ZNF862: variants seen among roughly 807,000 people sequenced by gnomAD.
ZNF862 encodes zinc finger protein 862.
Under a neutral mutation model 91.1 loss-of-function variants are expected in ZNF862, and 64 were observed. That is an observed-to-expected ratio of 0.70 (90% CI 0.57 to 0.87). ZNF862 has a LOEUF of 0.87. Among genes scored for constraint, ZNF862 ranks in the 40% least tolerant of loss-of-function variants. The pLI is 0.00. For synonymous variants in ZNF862, 631 were observed against 618.1 expected, an observed-to-expected ratio of 1.02 and a Z score of -0.31; for missense variants, 1,459 against 1,528.0, an observed-to-expected ratio of 0.95 and a Z score of 0.75.
chr7:149,854,934 A>G (rs1488391212), intron 5 of ZNF862, among the ~76,000 whole-genome samples: 1 of 152,250 alleles, frequency 6.6e-6, no homozygotes, highest in Admixed American at 6.5e-5. Context: ...TGTGCAAGGT[A>G]ACGTGATGAC....
rs752297627 is a variant in ZNF862 at position 149,861,946 on chromosome 7, T to C, written c.2786T>C (p.Ile929Thr). ...AGGGAGAGGACAGTCCTGACGGGGA[T>C]TGAGTACCTCCAGCAGAGGTTTGAC... is the stretch of plus-strand genomic sequence containing the variant. Reference protein sequence around the residue: ...ADRERTVLTGIEYLQQRFDAD... With the variant: ...ADRERTVLTGTEYLQQRFDAD... The change falls in exon 7 of 8, where the codon ATT (isoleucine) becomes ACT (threonine). Residue 929 changes from isoleucine to threonine, a missense_variant. Transcript: ENST00000223210. This position sits in a 1 kb window ranked among gnomAD's most constrained non-coding sequence, Gnocchi z 6.7. 15 of 1,613,488 alleles carry C rather than the reference T, an allele frequency of 9.3e-6. No individual in the cohort carries two copies. Among genetic ancestry groups the C allele is most frequent in the East Asian group, 8.9e-5 (4 of 44,834 alleles).
chr7:149,861,424 A>G lies in ZNF862; in HGVS notation c.2264A>G (p.Lys755Arg), dbSNP rs368481004. Reference sequence around the variant, plus strand: ...GACCGGCACATCCGCACCGTCTTCAAGTTTTATCAGTCCTCAAACAAGAGG... The same window carrying G: ...GACCGGCACATCCGCACCGTCTTCAGGTTTTATCAGTCCTCAAACAAGAGG... ...KCDRHIRTVF[K>R]FYQSSNKRLN... Residue 755 changes from lysine (K) to arginine (R), a missense_variant, in exon 7 of 8, where the codon AAG (lysine) becomes AGG (arginine). Transcript: ENST00000223210. This position sits in a 1 kb window ranked among gnomAD's most constrained non-coding sequence, Gnocchi z 6.7. The G allele has an allele frequency of 1.7e-5, 27 of 1,613,280 alleles. No individual in the cohort carries two copies. The East Asian group carries it at 2.7e-4, about 16-fold the overall frequency.
At chr7:149,860,036 A>G (rs1223271402) in intron 6 of ZNF862, 1 of 329,926 alleles carries the variant, frequency 3.0e-6, no homozygotes, top group Non-Finnish European at 5.5e-6. Flanking sequence ...CTCACACGAG[A>G]GTGAAAGCCA....
chr7:149,843,016 A>G (rs1801758108), intron 1 of ZNF862, among the ~76,000 whole-genome samples: 1 of 152,260 alleles, frequency 6.6e-6, no homozygotes, highest in Non-Finnish European at 1.5e-5. Context: ...ATACATATTC[A>G]TAGACTAAAG....
intron 2 of ZNF862, 119 bp from the exon 3 acceptor site, chr7:149,846,032 C>G (rs1456086285): frequency 2.8e-6 from 2 of 711,986 alleles, no homozygotes; most frequent in Non-Finnish European, 4.8e-6. Flanking sequence ...TCCTTGGCCC[C>G]TTATCTCACC....
rs1802248118 is a variant in ZNF862 at position 149,855,949 on chromosome 7, G to C, written c.1118-3473G>C. The stretch of plus-strand genomic sequence containing the variant: ...CTCCCAGAGATACAGGTCAGGTTAA[G>C]GGAAAGGGCGCACCCACCACTCCCC... On this transcript the variant is annotated intron_variant, in intron 5 of 7. Coordinates refer to ENST00000223210, the MANE Select transcript of ZNF862 (RefSeq NM_001099220.3). The surrounding 1 kb of genome is among the most constrained non-coding windows in gnomAD (Gnocchi z 4.1). The C allele has an allele frequency of 6.6e-6, 1 of 152,316 alleles. No homozygotes were observed. The highest frequency in any genetic ancestry group is 2.4e-5 in the African/African-American group (1 of 41,446). 9.4% of individuals were successfully genotyped at this position (152,316 alleles called of 1,614,324 possible).
chr7:149,853,598 A>G (rs898626579), intron 5 of ZNF862, among the ~76,000 whole-genome samples: 6 of 152,306 alleles, frequency 3.9e-5, no homozygotes, highest in African/African-American at 1.4e-4. Flanking sequence ...AATGGAGGCA[A>G]ACAGATTTGG....
Position 149,850,154 on chromosome 7 carries a change from G to A in ZNF862, c.940-7G>A. ...CGGTGCTGAGTGGCCGCTGCTCTTTGTTCCAGGACCCTTCTGCAGAGGGGC... is the reference window on the plus strand; with the variant it reads ...CGGTGCTGAGTGGCCGCTGCTCTTTATTCCAGGACCCTTCTGCAGAGGGGC... On this transcript the variant is annotated splice_region_variant and splice_polypyrimidine_tract_variant and intron_variant, in intron 4 of 7. Coordinates refer to ENST00000223210, the MANE Select transcript of ZNF862 (RefSeq NM_001099220.3). The surrounding 1 kb of genome is among the most constrained non-coding windows in gnomAD (Gnocchi z 4.2). The A allele has an allele frequency of 6.4e-7, 1 of 1,557,802 alleles. No homozygotes were observed. Among genetic ancestry groups the A allele is most frequent in the Non-Finnish European group, 8.7e-7 (1 of 1,151,472 alleles).
At chr7:149,859,167 TC>T (rs1223817971) in intron 5 of ZNF862, 3 of 541,318 alleles carry the variant, frequency 5.5e-6, no homozygotes, top group African/African-American at 3.9e-5. Flanking sequence ...TCTTCCTGTT[TC>T]CACCCTTCCC....
chr7:149,842,285 C>T (rs563661738), intron 1 of ZNF862, among the ~76,000 whole-genome samples: 39 of 152,240 alleles, frequency 2.6e-4, no homozygotes, highest in Non-Finnish European at 3.1e-4. Flanking sequence ...ACATTCCAAG[C>T]GAGGCAATGC....
intron 1 of ZNF862, 68 bp from the exon 2 acceptor site, chr7:149,844,557 C>A: frequency 8.1e-7 from 1 of 1,227,568 alleles, no homozygotes; most frequent in Non-Finnish European, 1.2e-6. Flanking sequence ...CTCAGGTGGT[C>A]AGGAACACTT....
chr7:149,847,370 CTATTA>C (rs1008288404), intron 3 of ZNF862, among the ~76,000 whole-genome samples: 8 of 152,106 alleles, frequency 5.3e-5, no homozygotes, highest in Non-Finnish European at 1.2e-4. Context: ...ATCCTATATT[CTATTA>C]TGTCAGTGTT....
intron 1 of ZNF862, chr7:149,841,168 A>G: frequency 5.1e-6 from 5 of 985,482 alleles, no homozygotes; most frequent in Non-Finnish European, 6.0e-6. Context: ...GTGACAAGGA[A>G]TAGCGGTGCT....
chr7:149,861,863 G>C lies in ZNF862; in HGVS notation c.2703G>C (p.Arg901=). The part of the protein sequence containing the change: ...EEFNASFKDG[R]LHGICLDKLE... ...TCAACGCCAGCTTCAAGGATGGGCGGCTCCACGGCATCTGCTTGGACAAAC... is the reference window on the plus strand; with the variant it reads ...TCAACGCCAGCTTCAAGGATGGGCGCCTCCACGGCATCTGCTTGGACAAAC... Residue 901 remains arginine (R), a synonymous_variant, in exon 7 of 8, where the codon CGG becomes CGC. Coordinates refer to ENST00000223210, the MANE Select transcript of ZNF862 (RefSeq NM_001099220.3). This position sits in a 1 kb window ranked among gnomAD's most constrained non-coding sequence, Gnocchi z 6.7. The C allele has an allele frequency of 6.2e-7, 1 of 1,613,732 alleles. No homozygotes were observed. Among genetic ancestry groups the C allele is most frequent in the South Asian group, 1.1e-5 (1 of 91,088 alleles).
chr7:149,838,487 C>A lies in ZNF862; in HGVS notation c.-125C>A. Reference sequence around the variant, plus strand: ...GTGAGAGAGCGAAGTTCTTGGGCCGCGCTCCCTCCCTACCTGGGTGCCCTC... The same window carrying A: ...GTGAGAGAGCGAAGTTCTTGGGCCGAGCTCCCTCCCTACCTGGGTGCCCTC... On this transcript the variant is annotated 5_prime_UTR_variant, in exon 1 of 8. Coordinates refer to ENST00000223210, the MANE Select transcript of ZNF862 (RefSeq NM_001099220.3). The A allele has an allele frequency of 1.7e-6, 1 of 592,570 alleles. No individual in the cohort carries two copies. The highest frequency in any genetic ancestry group is 2.5e-6 in the Non-Finnish European group (1 of 403,688). The allele number at this position is 592,570 out of a possible 1,614,324, so 36.7% of individuals were successfully genotyped here. A position where few individuals can be genotyped will look rare whatever the true frequency, so the allele number is the denominator to read the frequency against.
intron 1 of ZNF862, among the ~76,000 whole-genome samples, chr7:149,840,197 A>T (rs1801656187): frequency 6.8e-6 from 1 of 146,918 alleles, no homozygotes; most frequent in Admixed American, 6.7e-5. Flanking sequence ...TAAAAAAAAA[A>T]AAAAAAAAAA....
chr7:149,845,063 CCGT>C, intron 2 of ZNF862: 1 of 277,276 alleles, frequency 3.6e-6, no homozygotes, highest in South Asian at 4.3e-5. Flanking sequence ...TCTGTGGAGC[CCGT>C]AGGACACTGG....
At position 149,864,138 on chromosome 7, in the gene ZNF862, G is replaced by T; in HGVS notation, c.3364G>T (p.Ala1122Ser). 6.3e-7 allele frequency: 1 copy of T among 1,590,614 alleles called. No homozygotes were observed. The highest frequency in any genetic ancestry group is 2.3e-5 in the East Asian group (1 of 43,738). ...SARLRKEEMG[A>S]LYVEEPRTQK... is the part of the protein sequence containing the mutation. ...CAGGCTCAGGAAGGAGGAGATGGGA[G>T]CCCTCTATGTGGAGGAGCCCAGGAC... is the stretch of plus-strand genomic sequence containing the variant. Residue 1122 changes from alanine (A) to serine (S), a missense_variant, in exon 8 of 8, where the codon GCC becomes TCC. Ala to Ser is a moderately conservative substitution (Grantham distance 99). Transcript: ENST00000223210.
At chr7:149,840,935 G>A in intron 1 of ZNF862, 1 of 985,286 alleles carries the variant, frequency 1.0e-6, no homozygotes, top group South Asian at 4.7e-5. Flanking sequence ...CATTTTGGGA[G>A]GTAGAGGAGA....
Sources: allele counts gnomAD v4.1 joint callset (sites outside exome capture counted in the v4.1 genomes callset), GRCh38; gene constraint gnomAD v4.1.1; non-coding constraint Gnocchi (gnomAD v3.1); transcripts MANE v1.5; gene names NCBI Gene and HGNC (gene_info 2026-07-23, HGNC 2026-07-21).